The following UBR3 variants were observed in gnomAD, a reference collection of about 807,000 sequenced individuals.
UBR3 encodes the protein E3 ubiquitin-protein ligase UBR3.
UBR3 carries 85 observed loss-of-function variants against 243.2 expected under a neutral mutation model. The observed-to-expected ratio is 0.35, with a 90% confidence interval of 0.29 to 0.42. The LOEUF is 0.42. Ranked by LOEUF, UBR3 falls within the 10% of genes least tolerant of loss-of-function variation. UBR3 has a pLI of 1.00. For synonymous variants in UBR3, 748 were observed against 799.8 expected, an observed-to-expected ratio of 0.94 and a Z score of 1.09; for missense variants, 1,686 against 2,300.8, an observed-to-expected ratio of 0.73 and a Z score of 5.47.
chr2:170,077,522 T>G (rs1029064811), intron 36 of UBR3: 92 of 899,046 alleles, frequency 1.0e-4, no homozygotes, highest in Non-Finnish European at 1.3e-4. Flanking sequence ...AGTTTTCTTG[T>G]AAAGCCATCT....
chr2:169,982,450 G>T (rs568248845), intron 24 of UBR3, among the ~76,000 whole-genome samples: 1 of 152,032 alleles, frequency 6.6e-6, no homozygotes, highest in East Asian at 1.9e-4. Context: ...ATTAAAATAG[G>T]CTCTAACTAT....
At chr2:169,850,196 T>G (rs1487963878) in intron 1 of UBR3, among the ~76,000 whole-genome samples, 11 of 60,694 alleles carry the variant, frequency 1.8e-4, no homozygotes, top group Non-Finnish European at 1.1e-4. Context: ...TTTTTTTTTT[T>G]GAGACAGGGT....
At chr2:170,026,681 C>T (rs963290291) in intron 30 of UBR3, among the ~76,000 whole-genome samples, 14 of 151,878 alleles carry the variant, frequency 9.2e-5, no homozygotes, top group South Asian at 4.1e-4. Flanking sequence ...TATATGTGGA[C>T]CAAACTTTAG....
At chr2:169,855,758 GAC>G (rs1040726365) in intron 1 of UBR3, among the ~76,000 whole-genome samples, 1 of 152,186 alleles carries the variant, frequency 6.6e-6, no homozygotes, top group African/African-American at 2.4e-5. Flanking sequence ...TTTCCACACA[GAC>G]ACAGTAACAA....
intron 1 of UBR3, among the ~76,000 whole-genome samples, chr2:169,845,101 CT>C (rs1449406890): frequency 6.6e-6 from 1 of 152,130 alleles, no homozygotes; most frequent in Non-Finnish European, 1.5e-5. Context: ...GTGATCTCCT[CT>C]TTAGCCAATG....
chr2:169,983,689 G>A (rs1330056382), intron 24 of UBR3, among the ~76,000 whole-genome samples: 1 of 152,170 alleles, frequency 6.6e-6, no homozygotes, highest in East Asian at 1.9e-4. Flanking sequence ...GAGGAGTGGA[G>A]AATTGGGGCC....
chr2:169,962,736 G>T (rs62170353), intron 24 of UBR3, among the ~76,000 whole-genome samples: 1 of 130,056 alleles, frequency 7.7e-6, no homozygotes. Flanking sequence ...TTCTGAAAGA[G>T]TTTAGGGTGT....
rs114386604 is a variant in UBR3, at chr2:169,975,467, A to G, written c.3635-11178A>G. 2.4e-3 allele frequency among the ~76,000 whole-genome samples: 373 copies of G among 152,288 alleles called. 2 individuals are homozygous for G. Among genetic ancestry groups the G allele is most frequent in the African/African-American group, 8.5e-3 (353 of 41,570 alleles). Reference sequence around the variant, plus strand: ...TGTTCTGTAAAAGTCTGTTAGGTCTATTTGGCTTAAAGTGCAGTTTAAATT... The same window carrying G: ...TGTTCTGTAAAAGTCTGTTAGGTCTGTTTGGCTTAAAGTGCAGTTTAAATT... On this transcript the variant is annotated intron_variant, in intron 24 of 38. Transcript: ENST00000272793.
At chr2:169,856,994 T>A (rs2082897632) in intron 1 of UBR3, among the ~76,000 whole-genome samples, 1 of 152,050 alleles carries the variant, frequency 6.6e-6, no homozygotes. Flanking sequence ...GGTATGTTAT[T>A]TATTTAATTT....
At chr2:169,829,667 C>T (rs1206287786) in intron 1 of UBR3, among the ~76,000 whole-genome samples, 5 of 152,126 alleles carry the variant, frequency 3.3e-5, no homozygotes, top group Admixed American at 2.6e-4. Flanking sequence ...TCAGGTGATC[C>T]GCCCGCGTCG....
intron 30 of UBR3, among the ~76,000 whole-genome samples, chr2:170,023,176 T>G (rs1258795936): frequency 6.6e-6 from 1 of 152,090 alleles, no homozygotes; most frequent in Middle Eastern, 3.2e-3. Context: ...TCTTGCTTTG[T>G]TACCCACGCT....
At chr2:169,982,751 A>G (rs2088797508) in intron 24 of UBR3, among the ~76,000 whole-genome samples, 3 of 152,228 alleles carry the variant, frequency 2.0e-5, no homozygotes, top group Non-Finnish European at 4.4e-5. Flanking sequence ...TATAATTAAC[A>G]TACAGTAGAA....
At chr2:169,996,701 T>TTTG (rs1553529087) in intron 26 of UBR3, among the ~76,000 whole-genome samples, 46 of 147,176 alleles carry the variant, frequency 3.1e-4, no homozygotes, top group African/African-American at 1.1e-3. Flanking sequence ...TTGTTTTTTT[T>TTTG]TTTTTTTTTT....
intron 32 of UBR3, among the ~76,000 whole-genome samples, chr2:170,047,049 C>G (rs1192804463): frequency 1.3e-5 from 2 of 152,018 alleles, no homozygotes; most frequent in Non-Finnish European, 2.9e-5. Flanking sequence ...GGCTGGAGTA[C>G]AGTGGTACAG....
At chr2:169,969,081 CT>C (rs1229064883) in intron 24 of UBR3, among the ~76,000 whole-genome samples, 2 of 152,026 alleles carry the variant, frequency 1.3e-5, no homozygotes, top group African/African-American at 2.4e-5. Flanking sequence ...CTTCTGTATT[CT>C]AGTTATTAAT....
chr2:170,077,955 T>C, intron 36 of UBR3: 1 of 569,600 alleles, frequency 1.8e-6, no homozygotes, highest in Non-Finnish European at 3.3e-6. Flanking sequence ...GGACTTTCCA[T>C]TTTCCTGCTT....
At chr2:170,061,559 C>T (rs1210663250) in intron 35 of UBR3, 116 bp downstream of exon 35, 1 of 1,305,554 alleles carries the variant, frequency 7.7e-7, no homozygotes, top group Admixed American at 2.1e-5. Context: ...CCTCCGCCTG[C>T]CAGGTTCAAG....
intron 11 of UBR3, among the ~76,000 whole-genome samples, chr2:169,918,209 G>C (rs6750479): frequency 0.27 from 40,805 of 151,828 alleles, 5,690 homozygotes; most frequent in East Asian, 0.42. Flanking sequence ...GAGCTTTAAC[G>C]TAGGCAGATC....
At chr2:169,907,252 A>C (rs1044757957) in intron 10 of UBR3, among the ~76,000 whole-genome samples, 4 of 151,818 alleles carry the variant, frequency 2.6e-5, no homozygotes, top group African/African-American at 9.7e-5. Flanking sequence ...GTCCCGGTTC[A>C]AATTTCTAAC....
Sources: allele counts gnomAD v4.1 joint callset (sites outside exome capture counted in the v4.1 genomes callset), GRCh38; gene constraint gnomAD v4.1.1; transcripts MANE v1.5; gene names NCBI Gene and HGNC (gene_info 2026-07-23, HGNC 2026-07-21).